VPS37C: variants seen among roughly 807,000 people sequenced by gnomAD.
VPS37C encodes vacuolar protein sorting-associated protein 37C.
VPS37C carries 9 observed loss-of-function variants against 16.1 expected under a neutral mutation model. The ratio of observed to expected loss-of-function variants is 0.56; its 90% CI spans 0.34 to 0.97. The LOEUF is 0.97. Among genes scored for constraint, VPS37C ranks in the 50% least tolerant of loss-of-function variants. The pLI is 0.02. For synonymous variants in VPS37C, 207 were observed against 206.4 expected, an observed-to-expected ratio of 1.00 and a Z score of -0.02; for missense variants, 479 against 472.7, an observed-to-expected ratio of 1.01 and a Z score of -0.12.
intron 1 of VPS37C, among the ~76,000 whole-genome samples, chr11:61,159,737 AAT>A (rs1239064072): frequency 8.9e-5 from 13 of 146,484 alleles, no homozygotes; most frequent in African/African-American, 2.3e-4. Flanking sequence ...TAAATAAATA[AAT>A]AAAAAATACA....
intron 1 of VPS37C, among the ~76,000 whole-genome samples, chr11:61,153,202 T>C (rs1853328181): frequency 6.6e-6 from 1 of 152,172 alleles, no homozygotes; most frequent in Admixed American, 6.5e-5. Flanking sequence ...GGTGATTAGA[T>C]CATGGGGGCG....
intron 1 of VPS37C, among the ~76,000 whole-genome samples, chr11:61,151,351 A>G (rs938328475): frequency 6.6e-6 from 1 of 152,202 alleles, no homozygotes; most frequent in Non-Finnish European, 1.5e-5. Flanking sequence ...AAGTCCAAAC[A>G]GATGTACCGG....
In VPS37C at chr11:61,135,404, T is replaced by A. The variant is rs1450742683; in HGVS notation, c.94-1197A>T. ...AGACAAGGCTGCCAGGGTTCAGGGA[T>A]GTAGGGCCCAGGGTCTGTCCAGCCT... On this transcript the variant is annotated intron_variant, in intron 2 of 4. Transcript: ENST00000301765. Among the ~76,000 whole-genome samples the A allele has an allele frequency of 3.3e-5, 5 of 152,318 alleles. No homozygotes were observed. The East Asian group carries it at 7.7e-4, about 24-fold the overall frequency.
intron 1 of VPS37C, among the ~76,000 whole-genome samples, chr11:61,155,890 A>G (rs956587879): frequency 2.0e-5 from 3 of 152,234 alleles, no homozygotes; most frequent in Admixed American, 6.5e-5. Flanking sequence ...AAAAATAACA[A>G]TGTGTTGTGG....
At position 61,130,548 on chromosome 11, in the gene VPS37C, T is replaced by A; in HGVS notation, c.*1272A>T. Reference sequence around the variant, plus strand: ...CAGGTAGTGGACATTTCAAGGCACGTACAACTTCCTAAGCAATAGCAGCTC... The same window carrying A: ...CAGGTAGTGGACATTTCAAGGCACGAACAACTTCCTAAGCAATAGCAGCTC... On this transcript the variant is annotated 3_prime_UTR_variant, in exon 5 of 5. Coordinates refer to ENST00000301765, the MANE Select transcript of VPS37C (RefSeq NM_017966.5). 1 of 249,784 alleles carries A rather than the reference T, an allele frequency of 4.0e-6. No homozygotes were observed. Among genetic ancestry groups the A allele is most frequent in the Non-Finnish European group, 7.7e-6 (1 of 129,182 alleles). 15.5% of individuals were successfully genotyped at this position (249,784 alleles called of 1,614,324 possible).
chr11:61,152,937 G>C (rs574430667), intron 1 of VPS37C, among the ~76,000 whole-genome samples: 1 of 152,196 alleles, frequency 6.6e-6, no homozygotes, highest in African/African-American at 2.4e-5. Context: ...TCCTCCCAAA[G>C]AGTTCATCCT....
chr11:61,150,718 C>G (rs995158554), intron 1 of VPS37C, among the ~76,000 whole-genome samples: 1 of 152,098 alleles, frequency 6.6e-6, no homozygotes, highest in African/African-American at 2.4e-5. Flanking sequence ...CCCTAACCCC[C>G]TACCCCGCTG....
At chr11:61,132,722 A>G in intron 4 of VPS37C, 183 bp from the exon 5 acceptor site, 1 of 805,076 alleles carries the variant, frequency 1.2e-6, no homozygotes. Context: ...CTCCCTCACT[A>G]GAATGTCAGT....
chr11:61,141,375 A>G (rs2134638064), intron 1 of VPS37C, among the ~76,000 whole-genome samples: 1 of 152,180 alleles, frequency 6.6e-6, no homozygotes, highest in African/African-American at 2.4e-5. Flanking sequence ...CTCAAAAAAA[A>G]AAAAAGAAAA....
rs1279117316 is a variant in VPS37C, at chr11:61,161,398, G to GGCC, written c.-17_-15dup. 3 of 154,704 alleles carry GGCC rather than the reference G, an allele frequency of 1.9e-5. No homozygotes were observed. The East Asian group carries it at 5.6e-4, about 29-fold the overall frequency. The allele number at this position is 154,704 out of a possible 1,614,324, so 9.6% of individuals were successfully genotyped here. Reference sequence around the variant, plus strand: ...TCCCCAGTCTCCGCTCACCTGCCAGGGCCGCCGTCGCCGCCGCCACCGCGG... The same window carrying GGCC: ...TCCCCAGTCTCCGCTCACCTGCCAGGGCCGCCGCCGTCGCCGCCGCCACCGCGG... On this transcript the variant is annotated 5_prime_UTR_variant, in exon 1 of 5. Transcript: ENST00000301765.
At chr11:61,159,431 T>G (rs1853428305) in intron 1 of VPS37C, among the ~76,000 whole-genome samples, 1 of 152,180 alleles carries the variant, frequency 6.6e-6, no homozygotes, top group Non-Finnish European at 1.5e-5. Context: ...TTTGGGAAAC[T>G]AAACGGTCTG....
Position 61,131,684 on chromosome 11 carries a change from C to G in VPS37C, c.*136G>C. The G allele has an allele frequency of 1.7e-6, 2 of 1,182,496 alleles. No homozygotes were observed. The highest frequency in any genetic ancestry group is 2.1e-6 in the Non-Finnish European group (2 of 943,398). 73.3% of individuals were successfully genotyped at this position (1,182,496 alleles called of 1,614,324 possible). A position where few individuals can be genotyped will look rare whatever the true frequency, so the allele number is the denominator to read the frequency against. On this transcript the variant is annotated 3_prime_UTR_variant, in exon 5 of 5. Transcript: ENST00000301765. ...CACACCGCCCAGTGCCTTGTCCCTC[C>G]AAGGCCTCTGGGTGCCGACGCAAGT...
In VPS37C at chr11:61,132,208, G is replaced by A; in HGVS notation, c.680C>T (p.Pro227Leu). The A allele has an allele frequency of 1.3e-6, 2 of 1,503,014 alleles. No individual in the cohort carries two copies. The highest frequency in any genetic ancestry group is 8.9e-7 in the Non-Finnish European group (1 of 1,126,340). The allele number at this position is 1,503,014 out of a possible 1,614,324, so 93.1% of individuals were successfully genotyped here. A position where few individuals can be genotyped will look rare whatever the true frequency, so the allele number is the denominator to read the frequency against. ...PTAHGALPPAPFPVVSQPSFY... is the reference protein window; with the variant it reads ...PTAHGALPPALFPVVSQPSFY... ...GGAGGGCTGGGACACTACTGGGAAA[G>A]GGGCCGGTGGCAGGGCTCCATGGGC... Residue 227 changes from proline to leucine, a missense_variant, in exon 5 of 5, where the codon CCT (proline) becomes CTT (leucine). Transcript: ENST00000301765.
intron 1 of VPS37C, among the ~76,000 whole-genome samples, chr11:61,156,770 G>A (rs1355161312): frequency 6.6e-6 from 1 of 152,112 alleles, no homozygotes; most frequent in Non-Finnish European, 1.5e-5. Context: ...TCATTTTTAA[G>A]TATACAGTTC....
intron 1 of VPS37C, among the ~76,000 whole-genome samples, chr11:61,155,415 C>T (rs1367742106): frequency 6.6e-6 from 1 of 151,574 alleles, no homozygotes; most frequent in Non-Finnish European, 1.5e-5. Flanking sequence ...GGGAGGATCA[C>T]TTGAGCCCAG....
chr11:61,158,109 T>C (rs532726031), intron 1 of VPS37C, among the ~76,000 whole-genome samples: 2 of 152,350 alleles, frequency 1.3e-5, no homozygotes, highest in African/African-American at 4.8e-5. Flanking sequence ...CAGCTTCAGG[T>C]ATTCCTTTAT....
chr11:61,155,250 G>A (rs923629773), intron 1 of VPS37C, among the ~76,000 whole-genome samples: 12 of 152,136 alleles, frequency 7.9e-5, no homozygotes, highest in Admixed American at 1.3e-4. Context: ...TTGGGAAGCT[G>A]ATGCCGTAGG....
Position 61,143,968 on chromosome 11 carries a change from A to T in VPS37C, c.-6-5133T>A, listed in dbSNP as rs6591639. ...AGCGACCACGCCCGGCCGATTCTTA[A>T]TTTTTTTTTTTTTTTTTTGAGACGG... On this transcript the variant is annotated intron_variant, in intron 1 of 4. Coordinates refer to ENST00000301765, the MANE Select transcript of VPS37C (RefSeq NM_017966.5). The T allele has an allele frequency of 3.5e-3, 497 of 141,576 alleles. 33 individuals carry two copies. Among genetic ancestry groups the T allele is most frequent in the East Asian group, 7.0e-3 (34 of 4,856 alleles). The allele number at this position is 141,576 out of a possible 1,614,324, so 8.8% of individuals were successfully genotyped here. A position where few individuals can be genotyped will look rare whatever the true frequency, so the allele number is the denominator to read the frequency against.
intron 1 of VPS37C, among the ~76,000 whole-genome samples, chr11:61,139,283 A>G (rs1861432873): frequency 6.6e-6 from 1 of 152,096 alleles, no homozygotes; most frequent in Non-Finnish European, 1.5e-5. Context: ...AGCTCCACAC[A>G]TGGGGGCTTT....
Sources: allele counts gnomAD v4.1 joint callset (sites outside exome capture counted in the v4.1 genomes callset), GRCh38; gene constraint gnomAD v4.1.1; transcripts MANE v1.5; gene names NCBI Gene and HGNC (gene_info 2026-07-23, HGNC 2026-07-21).